DGKB: variants seen among roughly 807,000 people sequenced by gnomAD.
DGKB encodes the protein diacylglycerol kinase beta, also known as 90 kDa diacylglycerol kinase.
In DGKB, 67 loss-of-function variants were observed where a neutral mutation model predicts 114.3. The observed-to-expected ratio is 0.59, with a 90% CI of 0.48 to 0.72. The LOEUF is 0.72. Among genes scored for constraint, DGKB ranks in the 30% least tolerant of loss-of-function variants. The pLI, the probability that DGKB is intolerant of heterozygous loss-of-function variation, is 0.00. For missense variants in DGKB, 907 were observed against 975.2 expected, an observed-to-expected ratio of 0.93 and a Z score of 0.93; for synonymous variants, 398 against 323.1, an observed-to-expected ratio of 1.23 and a Z score of -2.49.
intron 1 of DGKB, among the ~76,000 whole-genome samples, chr7:14,847,478 G>A (rs1276487619): frequency 1.3e-5 from 2 of 152,140 alleles, no homozygotes; most frequent in Non-Finnish European, 2.9e-5. Flanking sequence ...AAATTCTATA[G>A]GTTGGTTTAT....
intron 5 of DGKB, among the ~76,000 whole-genome samples, chr7:14,734,074 T>C (rs978834448): frequency 2.6e-5 from 4 of 151,658 alleles, no homozygotes; most frequent in African/African-American, 9.7e-5. Flanking sequence ...CTCGCTCTGT[T>C]GCCAGCCTGG....
chr7:14,518,025 A>G (rs1287951655), intron 20 of DGKB, among the ~76,000 whole-genome samples: 1 of 152,186 alleles, frequency 6.6e-6, no homozygotes, highest in African/African-American at 2.4e-5. Flanking sequence ...TGTTCATTAC[A>G]GCACTATTCA....
At chr7:14,392,995 G>GTTTTTGTTTTTTTTTTTTTGTTT in intron 21 of DGKB, among the ~76,000 whole-genome samples, 1 of 60,546 alleles carries the variant, frequency 1.7e-5, no homozygotes, top group Non-Finnish European at 3.4e-5. Flanking sequence ...TTTTGTTTTT[G>GTTTTTGTTTTTTTTTTTTTGTTT]TTTTTTTTTT....
In DGKB at chr7:14,409,926, C is replaced by T. The variant is rs1447172429; in HGVS notation, c.1836-64535G>A. 2.6e-5 allele frequency among the ~76,000 whole-genome samples: 4 copies of T among 151,980 alleles called. No individual in the cohort carries two copies. The East Asian group carries it at 5.8e-4, about 22-fold the overall frequency. On this transcript the variant is annotated intron_variant, in intron 21 of 25. Transcript: ENST00000402815. ...GTTGTAAGAAAACAGTGTAGTAGTACACACAACATACAAAATATGTGTAAA... is the reference window on the plus strand; with the variant it reads ...GTTGTAAGAAAACAGTGTAGTAGTATACACAACATACAAAATATGTGTAAA...
At chr7:14,183,902 C>A (rs756883534) in intron 23 of DGKB, among the ~76,000 whole-genome samples, 64 of 152,312 alleles carry the variant, frequency 4.2e-4, no homozygotes, top group Middle Eastern at 3.4e-3. Context: ...CGAGAGGACA[C>A]ACAGACGCTC....
rs896823951 is a variant in DGKB at position 14,317,407 on chromosome 7, T to C, written c.2122+21108A>G. Among the ~76,000 whole-genome samples the C allele has an allele frequency of 2.1e-4, 30 of 146,012 alleles. 2 individuals carry two copies. In the East Asian group the frequency reaches 2.3e-3, roughly 11 times the overall value. On this transcript the variant is annotated intron_variant, in intron 23 of 25. Transcript: ENST00000402815. ...AACCCCACTGTCTCAGCCCAAAATCTCCTTAAGCTGATAAGCAACTTCAGC... is the reference window on the plus strand; with the variant it reads ...AACCCCACTGTCTCAGCCCAAAATCCCCTTAAGCTGATAAGCAACTTCAGC...
chr7:14,875,043 C>G (rs945155223), intron 1 of DGKB, among the ~76,000 whole-genome samples: 2 of 151,876 alleles, frequency 1.3e-5, no homozygotes, highest in Non-Finnish European at 2.9e-5. Context: ...GAAAAAAATA[C>G]CCATTGTTTA....
intron 17 of DGKB, among the ~76,000 whole-genome samples, chr7:14,587,727 C>T (rs1345698990): frequency 6.6e-6 from 1 of 152,118 alleles, no homozygotes; most frequent in African/African-American, 2.4e-5. Flanking sequence ...CAAGGCTAAA[C>T]TCTCTACCAG....
At chr7:14,300,717 A>G (rs1383283544) in intron 23 of DGKB, among the ~76,000 whole-genome samples, 1 of 152,092 alleles carries the variant, frequency 6.6e-6, no homozygotes, top group African/African-American at 2.4e-5. Flanking sequence ...GGACATGAAG[A>G]ATCCAGTTTT....
At chr7:14,224,293 ACTT>A (rs1251936381) in intron 23 of DGKB, among the ~76,000 whole-genome samples, 2 of 151,908 alleles carry the variant, frequency 1.3e-5, no homozygotes, top group African/African-American at 4.8e-5. Flanking sequence ...GGAAATTTTC[ACTT>A]CAGTTATTTT....
intron 2 of DGKB, among the ~76,000 whole-genome samples, chr7:14,813,373 C>T (rs951443672): frequency 1.3e-5 from 2 of 152,176 alleles, no homozygotes; most frequent in East Asian, 3.9e-4. Context: ...CAAGCAACCA[C>T]ATAAATGAGT....
intron 2 of DGKB, among the ~76,000 whole-genome samples, chr7:14,808,823 G>C (rs1403802770): frequency 2.0e-5 from 3 of 152,074 alleles, no homozygotes. Flanking sequence ...TCTGTAATCA[G>C]CTGTGTGACC....
intron 23 of DGKB, among the ~76,000 whole-genome samples, chr7:14,256,743 T>C (rs929547701): frequency 2.6e-5 from 4 of 152,134 alleles, no homozygotes; most frequent in African/African-American, 4.8e-5. Flanking sequence ...GCATTGAAGG[T>C]ATAATGGACA....
At chr7:14,512,707 T>TC (rs1788168513) in intron 20 of DGKB, among the ~76,000 whole-genome samples, 2 of 152,074 alleles carry the variant, frequency 1.3e-5, no homozygotes, top group Admixed American at 1.3e-4. Flanking sequence ...CACCTTTTTT[T>TC]CTCTACTAAA....
At chr7:14,321,282 C>A (rs1239904201) in intron 23 of DGKB, among the ~76,000 whole-genome samples, 5 of 151,904 alleles carry the variant, frequency 3.3e-5, no homozygotes, top group African/African-American at 1.2e-4. Context: ...CAGAGTGATA[C>A]CCTGTCTCAG....
intron 15 of DGKB, among the ~76,000 whole-genome samples, chr7:14,619,470 T>G (rs895574866): frequency 6.6e-6 from 1 of 151,658 alleles, no homozygotes; most frequent in African/African-American, 2.4e-5. Flanking sequence ...TTGGTTTTGA[T>G]GTCCGGGCAA....
At chr7:14,923,121 T>C (rs1054829033) in intron 1 of DGKB, among the ~76,000 whole-genome samples, 1 of 152,206 alleles carries the variant, frequency 6.6e-6, no homozygotes, top group Non-Finnish European at 1.5e-5. Flanking sequence ...CACTCTCCTA[T>C]GGGTTCTGAT....
intron 23 of DGKB, among the ~76,000 whole-genome samples, chr7:14,282,753 G>A (rs1161105524): frequency 1.3e-5 from 2 of 152,008 alleles, no homozygotes; most frequent in Non-Finnish European, 2.9e-5. Context: ...CAGAGCCAAA[G>A]ACAAAAACCA....
chr7:14,689,224 T>TTTTTTTTTTTTA, intron 9 of DGKB, among the ~76,000 whole-genome samples: 2 of 139,570 alleles, frequency 1.4e-5, no homozygotes, highest in Non-Finnish European at 3.0e-5. Flanking sequence ...TTTTTTTTTT[T>TTTTTTTTTTTTA]GAGAGGAGTC....
Sources: allele counts gnomAD v4.1 joint callset (sites outside exome capture counted in the v4.1 genomes callset), GRCh38; gene constraint gnomAD v4.1.1; transcripts MANE v1.5; gene names NCBI Gene and HGNC (gene_info 2026-07-23, HGNC 2026-07-21).